The following OPCML variants were observed in gnomAD, a reference collection of about 807,000 sequenced individuals.
OPCML encodes opioid-binding protein/cell adhesion molecule.
A neutral mutation model predicts 37.8 loss-of-function variants in OPCML; 13 were observed. The observed-to-expected ratio is 0.34, with a 90% CI of 0.22 to 0.55. The LOEUF is 0.55. Among genes scored for constraint, OPCML ranks in the 20% least tolerant of loss-of-function variants. OPCML has a pLI of 0.91. For missense variants in OPCML, 341 were observed against 435.6 expected, an observed-to-expected ratio of 0.78 and a Z score of 1.93; for synonymous variants, 176 against 168.8, an observed-to-expected ratio of 1.04 and a Z score of -0.33.
chr11:133,373,733 A>G (rs1395041937), intron 1 of OPCML, among the ~76,000 whole-genome samples: 3 of 152,152 alleles, frequency 2.0e-5, no homozygotes, highest in African/African-American at 7.2e-5. Context: ...AAGTAAAACT[A>G]AATAAACACT....
intron 1 of OPCML, among the ~76,000 whole-genome samples, chr11:133,220,286 A>G (rs577287804): frequency 2.6e-5 from 4 of 152,212 alleles, no homozygotes; most frequent in African/African-American, 9.6e-5. Flanking sequence ...GAGCACAAAG[A>G]ATGTCTGATT....
At chr11:132,543,880 T>C (rs2096363002) in intron 3 of OPCML, among the ~76,000 whole-genome samples, 1 of 152,276 alleles carries the variant, frequency 6.6e-6, no homozygotes, top group Non-Finnish European at 1.5e-5. Flanking sequence ...TATATAAGCC[T>C]TTTTTCAAAT....
Position 132,886,496 on chromosome 11 carries a change from A to T in OPCML, c.146+56430T>A, listed in dbSNP as rs1044708521. 3.9e-5 allele frequency among the ~76,000 whole-genome samples: 6 copies of T among 152,336 alleles called. 1 individual carries two copies. The South Asian group carries it at 1.0e-3, about 26-fold the overall frequency. On this transcript the variant is annotated intron_variant, in intron 2 of 7. Transcript: ENST00000524381. ...AGCGACCGTGAGAAGGACCAGCTCC[A>T]GCTGGGGGCCTCTCCAGCATGTGGT...
chr11:133,238,393 A>G (rs935992), intron 1 of OPCML, among the ~76,000 whole-genome samples: 20,143 of 152,340 alleles, frequency 0.13, 2,210 homozygotes, highest in East Asian at 0.54. Flanking sequence ...CTATTTACTG[A>G]TAAATTTATG....
chr11:133,121,483 A>G (rs1324319698), intron 1 of OPCML, among the ~76,000 whole-genome samples: 1 of 152,208 alleles, frequency 6.6e-6, no homozygotes, highest in Non-Finnish European at 1.5e-5. Flanking sequence ...ACTGGGATGT[A>G]TGTGATTATA....
chr11:133,333,450 A>G (rs1490091420), intron 1 of OPCML, among the ~76,000 whole-genome samples: 1 of 152,256 alleles, frequency 6.6e-6, no homozygotes, highest in Non-Finnish European at 1.5e-5. Flanking sequence ...TATGCAGAAG[A>G]TTGAAGCTGG....
At chr11:133,298,957 T>G (rs1942706806) in intron 1 of OPCML, 1 of 151,688 alleles carries the variant, frequency 6.6e-6, no homozygotes, top group South Asian at 2.1e-4. Context: ...ATTATTTGAC[T>G]AGAGAAGGAA....
chr11:132,757,647 TG>T lies in OPCML; in HGVS notation c.147-100329del, dbSNP rs543922092. Among the ~76,000 whole-genome samples the T allele has an allele frequency of 2.1e-3, 325 of 152,342 alleles. 2 individuals are homozygous for T. The highest frequency in any genetic ancestry group is 7.5e-3 in the African/African-American group (310 of 41,586). ...TCCTTTGCCCACTTTTTGATGTTGT[TG>T]TTTTTTTCTTGTAAAATTGTTTAAG... On this transcript the variant is annotated intron_variant, in intron 2 of 7. Coordinates refer to ENST00000524381, the MANE Select transcript of OPCML (RefSeq NM_001012393.5).
chr11:132,454,389 G>C (rs993690905), intron 4 of OPCML, among the ~76,000 whole-genome samples: 1 of 152,162 alleles, frequency 6.6e-6, no homozygotes, highest in African/African-American at 2.4e-5. Context: ...ATTTGGAAGG[G>C]TGAGGACCGA....
intron 1 of OPCML, among the ~76,000 whole-genome samples, chr11:133,490,413 C>T (rs1407382864): frequency 6.6e-6 from 1 of 152,144 alleles, no homozygotes; most frequent in African/African-American, 2.4e-5. Flanking sequence ...TTTTGAATCT[C>T]ATATTCTGTA....
intron 4 of OPCML, among the ~76,000 whole-genome samples, chr11:132,508,131 A>C (rs1940411): frequency 0.2 from 30,402 of 152,090 alleles, 3,119 homozygotes; most frequent in Non-Finnish European, 0.22. Flanking sequence ...TTAACCATTA[A>C]TATTATTAAA....
intron 1 of OPCML, among the ~76,000 whole-genome samples, chr11:133,350,435 T>C (rs1944109073): frequency 6.6e-6 from 1 of 152,184 alleles, no homozygotes; most frequent in African/African-American, 2.4e-5. Context: ...GTTGAAAACA[T>C]CAGTAAGATG....
intron 1 of OPCML, among the ~76,000 whole-genome samples, chr11:133,068,448 C>T (rs11819917): frequency 0.017 from 2,618 of 152,332 alleles, 60 homozygotes; most frequent in African/African-American, 0.06. Flanking sequence ...GTGAGCAGTG[C>T]GGACGCTGCC....
At chr11:132,516,519 GTTC>G (rs1007958826) in intron 4 of OPCML, among the ~76,000 whole-genome samples, 2 of 152,102 alleles carry the variant, frequency 1.3e-5, no homozygotes, top group South Asian at 2.1e-4. Flanking sequence ...AGTCATTTGT[GTTC>G]TTCTGAATAT....
chr11:133,234,389 G>C (rs1033226566), intron 1 of OPCML, among the ~76,000 whole-genome samples: 1 of 152,196 alleles, frequency 6.6e-6, no homozygotes, highest in South Asian at 2.1e-4. Flanking sequence ...GACCACAGCA[G>C]TCAGTACAAA....
At chr11:132,953,181 C>G (rs1241963974) in intron 1 of OPCML, among the ~76,000 whole-genome samples, 1 of 152,092 alleles carries the variant, frequency 6.6e-6, no homozygotes. Context: ...TCCCCGAGAA[C>G]AGAGTTTTTA....
At position 133,489,254 on chromosome 11, in the gene OPCML, C is replaced by T. The variant is rs185324579; in HGVS notation, c.61+43010G>A. The stretch of plus-strand genomic sequence containing the variant: ...GACTTAATTAAACTAAAAGCTTCTG[C>T]ACAGCAAAAGAAACAATCAACAAAG... On this transcript the variant is annotated intron_variant, in intron 1 of 7. Transcript: ENST00000524381. 7.3e-5 allele frequency among the ~76,000 whole-genome samples: 11 copies of T among 151,682 alleles called. No individual in the cohort carries two copies. In the South Asian group the frequency reaches 2.3e-3, roughly 32 times the overall value.
chr11:132,909,841 G>A (rs1015115135), intron 2 of OPCML, among the ~76,000 whole-genome samples: 2 of 152,170 alleles, frequency 1.3e-5, no homozygotes, highest in Middle Eastern at 3.2e-3. Context: ...AATGTTAAGA[G>A]GCTTCTAGAA....
chr11:133,178,846 G>A (rs1394391224), intron 1 of OPCML, among the ~76,000 whole-genome samples: 1 of 152,166 alleles, frequency 6.6e-6, no homozygotes, highest in African/African-American at 2.4e-5. Context: ...ACTATTTTAA[G>A]CATGCAGGGC....
Sources: allele counts gnomAD v4.1 joint callset (sites outside exome capture counted in the v4.1 genomes callset), GRCh38; gene constraint gnomAD v4.1.1; transcripts MANE v1.5; gene names NCBI Gene and HGNC (gene_info 2026-07-23, HGNC 2026-07-21).